FRMD4A: variants seen among roughly 807,000 people sequenced by gnomAD.
FRMD4A encodes FERM domain containing 4A.
Under a neutral mutation model 129.1 loss-of-function variants are expected in FRMD4A, and 29 were observed. The observed-to-expected ratio is 0.22, with a 90% CI of 0.17 to 0.31. The LOEUF is 0.31. FRMD4A is among the 10% of genes least tolerant of loss of function. The probability of loss-of-function intolerance (pLI) is 1.00; values close to 1 mark genes in which losing one functional copy is unlikely to be tolerated. For missense variants in FRMD4A, 1,272 were observed against 1,375.8 expected, an observed-to-expected ratio of 0.92 and a Z score of 1.19; for synonymous variants, 634 against 571.6, an observed-to-expected ratio of 1.11 and a Z score of -1.56.
At chr10:13,964,957 T>C (rs2095475869) in intron 2 of FRMD4A, among the ~76,000 whole-genome samples, 1 of 152,174 alleles carries the variant, frequency 6.6e-6, no homozygotes, top group Admixed American at 6.5e-5. Flanking sequence ...GTGCTGGGAT[T>C]ACAGGCGTGA....
intron 2 of FRMD4A, among the ~76,000 whole-genome samples, chr10:14,044,217 C>A (rs1421614954): frequency 1.3e-5 from 2 of 152,204 alleles, no homozygotes; most frequent in Non-Finnish European, 2.9e-5. Flanking sequence ...TCTTTCCTGT[C>A]GCCCCTTTAC....
intron 24 of FRMD4A, among the ~76,000 whole-genome samples, chr10:13,648,394 C>G (rs1176411950): frequency 1.3e-5 from 2 of 152,100 alleles, no homozygotes; most frequent in East Asian, 1.9e-4. Flanking sequence ...GGTGGTTGGG[C>G]CTTGCAGGGG....
chr10:14,295,428 G>T (rs1845978532), intron 2 of FRMD4A, among the ~76,000 whole-genome samples: 1 of 152,232 alleles, frequency 6.6e-6, no homozygotes, highest in African/African-American at 2.4e-5. Flanking sequence ...GAGATGCAAA[G>T]AGGAGAGATG....
intron 8 of FRMD4A, among the ~76,000 whole-genome samples, chr10:13,754,067 A>G (rs933141904): frequency 5.3e-5 from 8 of 152,212 alleles, no homozygotes; most frequent in Non-Finnish European, 8.8e-5. Flanking sequence ...TTAACTTTCT[A>G]TATTTCTCAG....
chr10:14,274,367 G>A (rs1415412611), intron 2 of FRMD4A, among the ~76,000 whole-genome samples: 1 of 152,194 alleles, frequency 6.6e-6, no homozygotes, highest in Non-Finnish European at 1.5e-5. Flanking sequence ...TTAAGGAAAC[G>A]GAGAGGTGAG....
At chr10:14,191,282 G>C (rs1443233457) in intron 2 of FRMD4A, among the ~76,000 whole-genome samples, 4 of 152,162 alleles carry the variant, frequency 2.6e-5, no homozygotes, top group Non-Finnish European at 5.9e-5. Context: ...CAAACAGAAA[G>C]GGTCTTCTGC....
At chr10:14,020,649 G>C (rs1248073138) in intron 2 of FRMD4A, among the ~76,000 whole-genome samples, 1 of 151,432 alleles carries the variant, frequency 6.6e-6, no homozygotes, top group Non-Finnish European at 1.5e-5. Context: ...AAGGTGACTG[G>C]AAAAAAGGCA....
At chr10:14,319,207 G>T (rs1456601263) in intron 2 of FRMD4A, among the ~76,000 whole-genome samples, 2 of 152,186 alleles carry the variant, frequency 1.3e-5, no homozygotes, top group Non-Finnish European at 2.9e-5. Flanking sequence ...GTGTGGAACA[G>T]AGACAAGCCA....
chr10:13,795,415 A>G (rs1009033575), intron 5 of FRMD4A, among the ~76,000 whole-genome samples: 6 of 152,222 alleles, frequency 3.9e-5, no homozygotes, highest in African/African-American at 1.2e-4. Flanking sequence ...GCTGAGGAAA[A>G]GTCATACACT....
chr10:13,770,370 A>C (rs186607257), intron 6 of FRMD4A, among the ~76,000 whole-genome samples: 3 of 152,092 alleles, frequency 2.0e-5, no homozygotes, highest in Non-Finnish European at 4.4e-5. Context: ...TGTCCACCCC[A>C]CCGCAGACAG....
At chr10:14,164,605 G>A (rs780656691) in intron 2 of FRMD4A, among the ~76,000 whole-genome samples, 1 of 152,176 alleles carries the variant, frequency 6.6e-6, no homozygotes, top group Non-Finnish European at 1.5e-5. Context: ...TCTACGTTGG[G>A]AACAGGGAGC....
At chr10:14,265,359 C>G (rs1227659631) in intron 2 of FRMD4A, among the ~76,000 whole-genome samples, 2 of 152,092 alleles carry the variant, frequency 1.3e-5, no homozygotes. Flanking sequence ...GGCTATGTCT[C>G]TAGGATCATA....
At chr10:13,766,849 C>A (rs1418324703) in intron 6 of FRMD4A, among the ~76,000 whole-genome samples, 1 of 152,114 alleles carries the variant, frequency 6.6e-6, no homozygotes, top group Non-Finnish European at 1.5e-5. Context: ...CCGAGGAGGG[C>A]AGATCATGAG....
At chr10:14,055,731 G>C (rs565824615) in intron 2 of FRMD4A, among the ~76,000 whole-genome samples, 1 of 152,082 alleles carries the variant, frequency 6.6e-6, no homozygotes, top group South Asian at 2.1e-4. Context: ...ATATATTTAC[G>C]GGGTACATGA....
chr10:14,186,386 C>T (rs1258296852), intron 2 of FRMD4A, among the ~76,000 whole-genome samples: 1 of 152,162 alleles, frequency 6.6e-6, no homozygotes, highest in Non-Finnish European at 1.5e-5. Flanking sequence ...TCTAGGTTTC[C>T]CCTTTCCTTC....
intron 2 of FRMD4A, among the ~76,000 whole-genome samples, chr10:14,079,320 G>C (rs539694516): frequency 6.6e-6 from 1 of 152,238 alleles, no homozygotes; most frequent in Non-Finnish European, 1.5e-5. Flanking sequence ...CTCTCCTCCT[G>C]TCTGCTGCCC....
chr10:14,089,193 T>A (rs1238590991), intron 2 of FRMD4A, among the ~76,000 whole-genome samples: 1 of 152,136 alleles, frequency 6.6e-6, no homozygotes, highest in Non-Finnish European at 1.5e-5. Context: ...TACCAAAGCC[T>A]CCTTCTGACT....
chr10:14,095,290 G>A (rs789763), intron 2 of FRMD4A, among the ~76,000 whole-genome samples: 2 of 152,126 alleles, frequency 1.3e-5, no homozygotes, highest in African/African-American at 2.4e-5. Context: ...CCCCAGGAAC[G>A]AGTTCAAGTT....
intron 11 of FRMD4A, among the ~76,000 whole-genome samples, chr10:13,738,497 A>C: frequency 6.6e-6 from 1 of 152,214 alleles, no homozygotes; most frequent in East Asian, 1.9e-4. Flanking sequence ...TGTCACCCTG[A>C]GGTCCTGCTC....
Sources: gnomAD v4.1 joint callset for allele counts (sites outside exome capture counted in the v4.1 genomes callset) on GRCh38, gnomAD v4.1.1 for gene constraint, MANE v1.5 for transcripts, NCBI Gene and HGNC (gene_info 2026-07-23, HGNC 2026-07-21) for gene names.